The following CHMP4B variants were observed in gnomAD, a reference collection of about 807,000 sequenced individuals.
CHMP4B encodes the protein charged multivesicular body protein 4B.
A neutral mutation model predicts 25.1 loss-of-function variants in CHMP4B; 1 was observed. That is an observed-to-expected ratio of 0.04 (90% CI 0.01 to 0.19). CHMP4B has a LOEUF of 0.19. Among genes scored for constraint, CHMP4B ranks in the 10% least tolerant of loss-of-function variants. The pLI, the probability that CHMP4B is intolerant of heterozygous loss-of-function variation, is 1.00. For synonymous variants in CHMP4B, 101 were observed against 115.6 expected, an observed-to-expected ratio of 0.87 and a Z score of 0.81; for missense variants, 151 against 289.7, an observed-to-expected ratio of 0.52 and a Z score of 3.48.
At chr20:33,842,714 C>G (rs1979577857) in intron 1 of CHMP4B, among the ~76,000 whole-genome samples, 1 of 152,232 alleles carries the variant, frequency 6.6e-6, no homozygotes, top group Non-Finnish European at 1.5e-5. Flanking sequence ...CAGCAGCCCT[C>G]TTCCCTCCCA....
chr20:33,844,819 C>T lies in CHMP4B; in HGVS notation c.191-3648C>T, dbSNP rs1387429175. On this transcript the variant is annotated intron_variant, in intron 1 of 4. Coordinates refer to ENST00000217402, the MANE Select transcript of CHMP4B (RefSeq NM_176812.5). ...TGTCGCCCAGGCTGGAGTGCAGTGTCGTGATCTCGGTTCTCTACAAGCTCC... is the reference window on the plus strand; with the variant it reads ...TGTCGCCCAGGCTGGAGTGCAGTGTTGTGATCTCGGTTCTCTACAAGCTCC... 6.7e-5 allele frequency among the ~76,000 whole-genome samples: 10 copies of T among 149,416 alleles called. No homozygotes were observed. In the Admixed American group the frequency reaches 6.7e-4, roughly 10 times the overall value.
intron 1 of CHMP4B, among the ~76,000 whole-genome samples, chr20:33,821,201 G>T (rs1415447583): frequency 6.6e-6 from 1 of 151,778 alleles, no homozygotes; most frequent in Non-Finnish European, 1.5e-5. Context: ...AGCCTGGCCA[G>T]CAAGGCGAAA....
chr20:33,819,079 T>A (rs1199722907), intron 1 of CHMP4B, among the ~76,000 whole-genome samples: 1 of 152,074 alleles, frequency 6.6e-6, no homozygotes, highest in Admixed American at 6.5e-5. Flanking sequence ...CCAGCTAATT[T>A]TTTTGTATTT....
chr20:33,820,205 A>C (rs1028812624), intron 1 of CHMP4B, among the ~76,000 whole-genome samples: 4 of 151,950 alleles, frequency 2.6e-5, no homozygotes, highest in African/African-American at 9.7e-5. Context: ...AAAAAAAGAA[A>C]TGTGGACTCT....
chr20:33,840,587 G>C (rs1003993290), intron 1 of CHMP4B, among the ~76,000 whole-genome samples: 1 of 152,168 alleles, frequency 6.6e-6, no homozygotes, highest in East Asian at 1.9e-4. Context: ...CAAGGGCAGG[G>C]GTTGATGAAG....
intron 1 of CHMP4B, among the ~76,000 whole-genome samples, chr20:33,818,931 A>G (rs1978858512): frequency 6.8e-6 from 1 of 147,748 alleles, no homozygotes; most frequent in Non-Finnish European, 1.5e-5. Context: ...TTTTTTTGAG[A>G]TGGAGTTTTG....
chr20:33,851,070 A>G lies in CHMP4B; in HGVS notation c.483+4A>G. On this transcript the variant is annotated splice_donor_region_variant and intron_variant, in intron 3 of 4. Transcript: ENST00000217402. ...GTTTGGAGAAGAGTTTGACGAGGTG[A>G]GTAGTTTTGTACAGATCCCATAAGC... The G allele has an allele frequency of 6.4e-7, 1 of 1,569,926 alleles. No homozygotes were observed. Among genetic ancestry groups the G allele is most frequent in the South Asian group, 1.1e-5 (1 of 90,180 alleles).
At position 33,811,380 on chromosome 20, in the gene CHMP4B, C is replaced by A; in HGVS notation, c.-89C>A. On this transcript the variant is annotated 5_prime_UTR_variant, in exon 1 of 5. The change creates a new upstream start codon in the 5' untranslated region. Coordinates refer to ENST00000217402, the MANE Select transcript of CHMP4B (RefSeq NM_176812.5). ...CCTGCGGCGGCAGGGAGCGGCGGGACTGGGAGCGGGCGCCGGAGCCGACCC... is the reference window on the plus strand; with the variant it reads ...CCTGCGGCGGCAGGGAGCGGCGGGAATGGGAGCGGGCGCCGGAGCCGACCC... 8.7e-7 allele frequency: 1 copy of A among 1,149,132 alleles called. No homozygotes were observed. The highest frequency in any genetic ancestry group is 1.1e-6 in the Non-Finnish European group (1 of 901,588). The allele number at this position is 1,149,132 out of a possible 1,614,324, so 71.2% of individuals were successfully genotyped here.
At chr20:33,849,997 A>G (rs191505850) in intron 2 of CHMP4B, among the ~76,000 whole-genome samples, 1 of 152,304 alleles carries the variant, frequency 6.6e-6, no homozygotes, top group Non-Finnish European at 1.5e-5. Context: ...GACTGGTCTC[A>G]AACTCCTGGC....
intron 1 of CHMP4B, among the ~76,000 whole-genome samples, chr20:33,829,931 C>G (rs1296228442): frequency 6.6e-6 from 1 of 152,196 alleles, no homozygotes; most frequent in Admixed American, 6.5e-5. Flanking sequence ...GAATCTTGTT[C>G]AGGTTCTGAT....
At chr20:33,826,654 C>T (rs1321921611) in intron 1 of CHMP4B, among the ~76,000 whole-genome samples, 2 of 152,230 alleles carry the variant, frequency 1.3e-5, no homozygotes, top group East Asian at 1.9e-4. Flanking sequence ...GGAAGTCCAT[C>T]GGTCACTACC....
chr20:33,846,895 T>C (rs1187677891), intron 1 of CHMP4B, among the ~76,000 whole-genome samples: 1 of 152,224 alleles, frequency 6.6e-6, no homozygotes, highest in African/African-American at 2.4e-5. Flanking sequence ...CTTCCTAGCT[T>C]TTGATGCCCA....
At chr20:33,851,925 T>G (rs887541457) in intron 3 of CHMP4B, 152 bp from the exon 4 acceptor site, 2 of 978,598 alleles carry the variant, frequency 2.0e-6, no homozygotes, top group Non-Finnish European at 3.2e-6. Flanking sequence ...CTTTAGGATA[T>G]TTGAATCACA....
At position 33,811,480 on chromosome 20, in the gene CHMP4B, C is replaced by T. The variant is rs1978607692; in HGVS notation, c.12C>T (p.Phe4=). Reference sequence around the variant, plus strand: ...GGCGAGCAGCAACCATGTCGGTGTTCGGGAAGCTGTTCGGGGCTGGAGGGG... The same window carrying T: ...GGCGAGCAGCAACCATGTCGGTGTTTGGGAAGCTGTTCGGGGCTGGAGGGG... MSV[F]GKLFGAGGGK... Residue 4 remains phenylalanine (F), a synonymous_variant, in exon 1 of 5, where the codon TTC becomes TTT. Coordinates refer to ENST00000217402, the MANE Select transcript of CHMP4B (RefSeq NM_176812.5). 6.4e-7 allele frequency: 1 copy of T among 1,568,346 alleles called. No individual in the cohort carries two copies. The highest frequency in any genetic ancestry group is 8.7e-7 in the Non-Finnish European group (1 of 1,155,154).
chr20:33,827,282 A>G (rs183563040), intron 1 of CHMP4B, among the ~76,000 whole-genome samples: 1 of 152,352 alleles, frequency 6.6e-6, no homozygotes, highest in Non-Finnish European at 1.5e-5. Context: ...CAAAATGGGA[A>G]GATGGATTAA....
rs537644588 is a variant in CHMP4B, at chr20:33,841,810, T to C, written c.191-6657T>C. On this transcript the variant is annotated intron_variant, in intron 1 of 4. Coordinates refer to ENST00000217402, the MANE Select transcript of CHMP4B (RefSeq NM_176812.5). The stretch of plus-strand genomic sequence containing the variant: ...TCATGTGTCAGCATGAGCTTTAAAA[T>C]GGAGTTTATCAAGGGCAGAGTTTGG... Among the ~76,000 whole-genome samples, 9 of 152,242 alleles carry C rather than the reference T, an allele frequency of 5.9e-5. No homozygotes were observed. In the East Asian group the frequency reaches 1.5e-3, roughly 26 times the overall value.
At chr20:33,849,887 C>CGAAGTGAG (rs1979800417) in intron 2 of CHMP4B, among the ~76,000 whole-genome samples, 2 of 152,202 alleles carry the variant, frequency 1.3e-5, no homozygotes, top group Non-Finnish European at 1.5e-5. Flanking sequence ...GCCATCCTCT[C>CGAAGTGAG]ACTTCAGCCT....
At chr20:33,827,602 C>G (rs892910486) in intron 1 of CHMP4B, among the ~76,000 whole-genome samples, 2 of 152,244 alleles carry the variant, frequency 1.3e-5, no homozygotes, top group Non-Finnish European at 2.9e-5. Flanking sequence ...GCAAGCAGCG[C>G]AGATGCTGGA....
At chr20:33,834,545 G>C (rs903081747) in intron 1 of CHMP4B, among the ~76,000 whole-genome samples, 3 of 152,160 alleles carry the variant, frequency 2.0e-5, no homozygotes, top group Non-Finnish European at 4.4e-5. Flanking sequence ...TCTTTTTCTA[G>C]CTTGTTAAGG....
Sources: allele counts gnomAD v4.1 joint callset (sites outside exome capture counted in the v4.1 genomes callset), GRCh38; gene constraint gnomAD v4.1.1; transcripts MANE v1.5; gene names NCBI Gene and HGNC (gene_info 2026-07-23, HGNC 2026-07-21).